The following EXO1 variants were observed in gnomAD, a reference collection of about 807,000 sequenced individuals.
The protein encoded by EXO1 is exonuclease 1.
In EXO1, 69 loss-of-function variants were observed where a neutral mutation model predicts 84.5. The observed-to-expected ratio is 0.82, with a 90% CI of 0.67 to 1.00. EXO1 has a LOEUF of 1.00. EXO1 is among the 50% of genes least tolerant of loss of function. EXO1 has a pLI of 0.00. For missense variants in EXO1, 1,045 were observed against 1,000.7 expected, an observed-to-expected ratio of 1.04 and a Z score of -0.60; for synonymous variants, 373 against 366.1, an observed-to-expected ratio of 1.02 and a Z score of -0.21.
chr1:241,873,388 GTACTTTCGT>G (rs1662223746), intron 12 of EXO1, among the ~76,000 whole-genome samples: 1 of 152,092 alleles, frequency 6.6e-6, no homozygotes, highest in South Asian at 2.1e-4. Flanking sequence ...TTAACTTCTA[GTACTTTCGT>G]AATCTCTCCG....
intron 10 of EXO1, among the ~76,000 whole-genome samples, chr1:241,862,537 A>G (rs1259508617): frequency 1.3e-5 from 2 of 152,202 alleles, no homozygotes; most frequent in Non-Finnish European, 2.9e-5. Context: ...CATGTTTTTA[A>G]TCAACTTTTA....
chr1:241,875,742 G>A (rs1188092128), intron 12 of EXO1, among the ~76,000 whole-genome samples: 4 of 152,184 alleles, frequency 2.6e-5, no homozygotes, highest in Non-Finnish European at 5.9e-5. Flanking sequence ...GCCGGGCGTG[G>A]TGGCGGGCGC....
Position 241,866,883 on chromosome 1 carries a change from T to C in EXO1, c.1095T>C (p.Ala365=), listed in dbSNP as rs1661773560. The change falls in exon 11 of 16, where the codon GCT becomes GCC. Residue 365 remains alanine (A), a synonymous_variant. Transcript: ENST00000366548. Reference sequence around the variant, plus strand: ...ATGACAAAACATGTCAAAAGTCAGCTAATGTTAGCAGCATTTGGCATAGGA... The same window carrying C: ...ATGACAAAACATGTCAAAAGTCAGCCAATGTTAGCAGCATTTGGCATAGGA... ...SWDDKTCQKS[A]NVSSIWHRNY... 1.9e-6 allele frequency: 3 copies of C among 1,614,026 alleles called. No individual in the cohort carries two copies. Among genetic ancestry groups the C allele is most frequent in the Admixed American group, 3.3e-5 (2 of 60,004 alleles).
At chr1:241,856,699 G>T (rs543052292) in intron 6 of EXO1, among the ~76,000 whole-genome samples, 3 of 152,108 alleles carry the variant, frequency 2.0e-5, no homozygotes, top group Admixed American at 6.6e-5. Context: ...TATATTTTCG[G>T]AACATAGCCA....
chr1:241,881,820 T>A, intron 13 of EXO1, 96 bp from the exon 14 acceptor site: 1 of 658,772 alleles, frequency 1.5e-6, no homozygotes, highest in Non-Finnish European at 2.7e-6. Flanking sequence ...CCCATGTTCT[T>A]ATTTATCTTC....
chr1:241,866,281 T>A (rs577030943), intron 10 of EXO1, among the ~76,000 whole-genome samples: 1 of 152,280 alleles, frequency 6.6e-6, no homozygotes, highest in South Asian at 2.1e-4. Context: ...ACCTGGCTAA[T>A]TTTTGTACTT....
upstream of EXO1, chr1:241,848,083 A>T (rs757203795): frequency 6.6e-5 from 10 of 152,260 alleles, no homozygotes; most frequent in Non-Finnish European, 1.3e-4. The surrounding 1 kb of genome is among the most constrained non-coding windows in gnomAD (Gnocchi z 4.2). Flanking sequence ...AGCGAGACGG[A>T]GAGCTCAGGA....
In EXO1 at chr1:241,879,177, T is replaced by C. The variant is rs1558143819; in HGVS notation, c.1943T>C (p.Met648Thr). Residue 648 changes from methionine (M) to threonine (T), a missense_variant, in exon 13 of 16, where the codon ATG becomes ACG. Coordinates refer to ENST00000366548, the MANE Select transcript of EXO1 (RefSeq NM_130398.4). ...DSPTSLPENN[M>T]SDVSQLKSEE... ...CCCACCTCTTTGCCTGAGAATAATA[T>C]GTCTGATGTGTCGCAGTTAAAGAGC... is the stretch of plus-strand genomic sequence containing the variant. The C allele has an allele frequency of 1.9e-6, 3 of 1,606,066 alleles. No individual in the cohort carries two copies. Among genetic ancestry groups the C allele is most frequent in the East Asian group, 2.2e-5 (1 of 44,654 alleles).
At chr1:241,855,383 T>G (rs1660930431) in intron 6 of EXO1, among the ~76,000 whole-genome samples, 1 of 152,178 alleles carries the variant, frequency 6.6e-6, no homozygotes, top group Non-Finnish European at 1.5e-5. Context: ...AACCCTGAGC[T>G]AGACACAGGG....
chr1:241,879,308 C>G lies in EXO1; in HGVS notation c.2074C>G (p.Leu692Val). Residue 692 changes from leucine to valine, a missense_variant, in exon 13 of 16, where the codon CTT becomes GTT. Leu to Val is a conservative substitution (Grantham distance 32, BLOSUM62 1). Coordinates refer to ENST00000366548, the MANE Select transcript of EXO1 (RefSeq NM_130398.4). ...ACTGCAGAGTTCAAATGCATCAAAG[C>G]TTTCTCAGTGCTCTAGTAAGGACTC... is the stretch of plus-strand genomic sequence containing the variant. ...FSLQSSNASKLSQCSSKDSDS... is the reference protein window; with the variant it reads ...FSLQSSNASKVSQCSSKDSDS... 1 of 1,605,464 alleles carries G rather than the reference C, an allele frequency of 6.2e-7. No homozygotes were observed. Among genetic ancestry groups the G allele is most frequent in the Non-Finnish European group, 8.5e-7 (1 of 1,176,822 alleles).
chr1:241,869,966 C>T (rs1484179867), intron 11 of EXO1, among the ~76,000 whole-genome samples: 1 of 152,108 alleles, frequency 6.6e-6, no homozygotes, highest in Non-Finnish European at 1.5e-5. Context: ...CGTCCACTAC[C>T]ACACCTGGCT....
chr1:241,878,951 A>G lies in EXO1; in HGVS notation c.1717A>G (p.Ile573Val). ...IPNNHIPGDH[I>V]PDKATVFTDE... ...GAATAATCATATTCCAGGTGATCAT[A>G]TTCCAGACAAGGCAACAGTGTTTAC... The change falls in exon 13 of 16, where the codon ATT becomes GTT. Residue 573 changes from isoleucine (I) to valine (V), a missense_variant. By Grantham distance (29) the Ile-to-Val change is conservative. Coordinates refer to ENST00000366548, the MANE Select transcript of EXO1 (RefSeq NM_130398.4). 6.2e-7 allele frequency: 1 copy of G among 1,614,202 alleles called. No homozygotes were observed. Among genetic ancestry groups the G allele is most frequent in the Non-Finnish European group, 8.5e-7 (1 of 1,180,014 alleles).
rs752774825 is a variant in EXO1 at position 241,860,682 on chromosome 1, G to C, written c.922G>C (p.Glu308Gln). ...LNAYEDDVDP[E>Q]TLSYAGQYVD... ...CGCCTATGAAGATGATGTTGATCCT[G>C]AAACACTAAGCTACGCTGGGCAGTA... Residue 308 changes from glutamate (E) to glutamine (Q), a missense_variant, in exon 9 of 16, where the codon GAA (glutamate) becomes CAA (glutamine). By Grantham distance (29) the Glu-to-Gln change is conservative. Coordinates refer to ENST00000366548, the MANE Select transcript of EXO1 (RefSeq NM_130398.4). 1.2e-6 allele frequency: 2 copies of C among 1,613,830 alleles called. No individual in the cohort carries two copies. Among genetic ancestry groups the C allele is most frequent in the Admixed American group, 3.3e-5 (2 of 60,012 alleles).
In EXO1 at chr1:241,861,586, C is replaced by T. The variant is rs564088202; in HGVS notation, c.1041+84C>T. 2.2e-4 allele frequency: 172 copies of T among 798,318 alleles called. No homozygotes were observed. The African/African-American group carries it at 2.6e-3, about 12-fold the overall frequency. 49.5% of individuals were successfully genotyped at this position (798,318 alleles called of 1,614,324 possible). On this transcript the variant is annotated intron_variant, in intron 10 of 15. Transcript: ENST00000366548. ...TAAAGGCAAATCTTCATACACTAAG[C>T]TTCTTTTAAGCGTTTCTATATCCAG...
intron 12 of EXO1, among the ~76,000 whole-genome samples, chr1:241,873,042 C>T (rs4149970): frequency 0.011 from 1,698 of 151,898 alleles, 34 homozygotes; most frequent in African/African-American, 0.039. Flanking sequence ...TTAATGATTG[C>T]CATTCTAACT....
At chr1:241,876,630 A>G (rs1475505257) in intron 12 of EXO1, among the ~76,000 whole-genome samples, 1 of 152,122 alleles carries the variant, frequency 6.6e-6, no homozygotes, top group Non-Finnish European at 1.5e-5. Context: ...ATTAGTTTTC[A>G]AAGTTAATTT....
chr1:241,850,560 AC>A lies in EXO1; in HGVS notation c.136del (p.Leu46Ter), dbSNP rs750915959. 4.3e-6 allele frequency: 7 copies of A among 1,613,868 alleles called. No homozygotes were observed. The highest frequency in any genetic ancestry group is 5.9e-6 in the Non-Finnish European group (7 of 1,179,970). On this transcript the variant is annotated frameshift_variant, in exon 4 of 16. Transcript: ENST00000366548. LOFTEE classifies it high-confidence loss of function. ...AAGGAGCTATTGCTTGTGCTGAAAA[AC>A]TAGCCAAAGGTGAACCTACTGATAG... ...HKGAIACAEK[L>X]AKGEPTDRYV...
At chr1:241,886,955 G>A (rs954669658) in intron 15 of EXO1, among the ~76,000 whole-genome samples, 1 of 151,892 alleles carries the variant, frequency 6.6e-6, no homozygotes, top group African/African-American at 2.4e-5. Flanking sequence ...GTTATGATTT[G>A]GTGTTTTGGT....
intron 14 of EXO1, among the ~76,000 whole-genome samples, chr1:241,882,239 A>C (rs912441221): frequency 2.6e-5 from 4 of 152,158 alleles, no homozygotes; most frequent in African/African-American, 9.6e-5. Context: ...ACTTTTAGTC[A>C]TTAATGTAAT....
Sources: allele counts gnomAD v4.1 joint callset (sites outside exome capture counted in the v4.1 genomes callset), GRCh38; gene constraint gnomAD v4.1.1; non-coding constraint Gnocchi (gnomAD v3.1); transcripts MANE v1.5; gene names NCBI Gene and HGNC (gene_info 2026-07-23, HGNC 2026-07-21).